ACYP2: variants seen among roughly 807,000 people sequenced by gnomAD.
ACYP2 encodes the protein acylphosphatase-2.
Under a neutral mutation model 11.2 loss-of-function variants are expected in ACYP2, and 12 were observed. The ratio of observed to expected loss-of-function variants is 1.08; its 90% CI spans 0.69 to 1.74. ACYP2 has a LOEUF of 1.74. Among genes scored for constraint, ACYP2 ranks in the 40% most tolerant of loss-of-function variants. ACYP2 has a pLI of 0.00. For synonymous variants in ACYP2, 43 were observed against 32.2 expected (o/e 1.33, Z -1.13); for missense variants, 134 against 101.9 (o/e 1.31, Z -1.35).
intron 6 of ACYP2, among the ~76,000 whole-genome samples, chr2:54,266,303 C>G (rs1482449123): frequency 6.6e-6 from 1 of 152,130 alleles, no homozygotes; most frequent in East Asian, 1.9e-4. Flanking sequence ...TGGACATGCC[C>G]ATGCCCTTTC....
At chr2:53,973,987 A>G (rs1308986102) in intron 2 of ACYP2, among the ~76,000 whole-genome samples, 7 of 148,194 alleles carry the variant, frequency 4.7e-5, no homozygotes, top group East Asian at 2.0e-4. Context: ...GCTCACTGCA[A>G]TCTCCGCCTC....
chr2:54,095,654 CG>C (rs1427012275), intron 4 of ACYP2, among the ~76,000 whole-genome samples: 15 of 137,644 alleles, frequency 1.1e-4, no homozygotes, highest in Non-Finnish European at 2.0e-4. Flanking sequence ...GCTGGCCGCG[CG>C]GGGGGCTGAC....
At chr2:54,228,199 T>A (rs73934409) in intron 6 of ACYP2, among the ~76,000 whole-genome samples, 33 of 152,316 alleles carry the variant, frequency 2.2e-4, no homozygotes, top group African/African-American at 7.7e-4. Context: ...CATTTAAGTA[T>A]GGAAGTGGAT....
chr2:54,205,820 G>A (rs988402553), intron 6 of ACYP2, among the ~76,000 whole-genome samples: 1 of 152,130 alleles, frequency 6.6e-6, no homozygotes, highest in South Asian at 2.1e-4. Flanking sequence ...AATTGGGTCA[G>A]GATATTCATC....
intron 6 of ACYP2, among the ~76,000 whole-genome samples, chr2:54,273,631 A>G (rs2104090103): frequency 6.6e-6 from 1 of 151,984 alleles, no homozygotes; most frequent in Admixed American, 6.5e-5. Flanking sequence ...CGCCCATCTA[A>G]TTTTTTATAT....
intron 4 of ACYP2, among the ~76,000 whole-genome samples, chr2:54,128,268 T>C (rs1680662857): frequency 6.6e-6 from 1 of 152,218 alleles, no homozygotes; most frequent in African/African-American, 2.4e-5. Context: ...GATGGACAGA[T>C]CCCTGATCAA....
chr2:53,981,551 C>T (rs185421166), intron 2 of ACYP2, among the ~76,000 whole-genome samples: 55 of 152,200 alleles, frequency 3.6e-4, no homozygotes, highest in Non-Finnish European at 6.6e-4. Flanking sequence ...TGACTGGTTG[C>T]GGAAAGAAAC....
intron 6 of ACYP2, among the ~76,000 whole-genome samples, chr2:54,263,815 C>A (rs559968334): frequency 6.6e-6 from 1 of 152,280 alleles, no homozygotes; most frequent in African/African-American, 2.4e-5. Context: ...ATTATTTTAA[C>A]ATACACCATA....
At chr2:54,242,033 C>G (rs1289935184) in intron 6 of ACYP2, among the ~76,000 whole-genome samples, 3 of 152,204 alleles carry the variant, frequency 2.0e-5, no homozygotes, top group African/African-American at 7.2e-5. Context: ...AAAAATTCAG[C>G]TGAAATAATA....
At chr2:54,140,331 C>T (rs746322967) in intron 6 of ACYP2, among the ~76,000 whole-genome samples, 7 of 152,112 alleles carry the variant, frequency 4.6e-5, no homozygotes, top group Non-Finnish European at 8.8e-5. Context: ...AAGATAGAAG[C>T]TCATACCAAT....
chr2:54,010,748 T>C (rs1447234662), intron 2 of ACYP2, among the ~76,000 whole-genome samples: 11 of 126,276 alleles, frequency 8.7e-5, no homozygotes, highest in Admixed American at 1.6e-4. Context: ...TTTTTTTTTT[T>C]TTTTTTTTTT....
intron 6 of ACYP2, among the ~76,000 whole-genome samples, chr2:54,198,718 T>C (rs1430535367): frequency 3.3e-5 from 5 of 152,186 alleles, no homozygotes; most frequent in East Asian, 1.9e-4. Context: ...AAAAGACTTA[T>C]AAAAAATGAA....
intron 4 of ACYP2, among the ~76,000 whole-genome samples, chr2:54,119,040 A>T (rs939191975): frequency 1.1e-4 from 14 of 131,596 alleles, no homozygotes; most frequent in Non-Finnish European, 2.1e-4. Context: ...TGGGATTTGA[A>T]TCTTAGTAGT....
intron 6 of ACYP2, among the ~76,000 whole-genome samples, chr2:54,283,979 G>T (rs758533044): frequency 1.3e-5 from 2 of 152,128 alleles, no homozygotes; most frequent in South Asian, 2.1e-4. Context: ...GCTGGGCATC[G>T]TGGCACCTGT....
intron 6 of ACYP2, among the ~76,000 whole-genome samples, chr2:54,178,723 C>T (rs777711519): frequency 1.3e-5 from 2 of 152,096 alleles, no homozygotes; most frequent in Non-Finnish European, 2.9e-5. Flanking sequence ...TAAGAGAATA[C>T]AGTTTGATCA....
intron 4 of ACYP2, chr2:54,065,366 C>T: frequency 2.5e-6 from 1 of 396,682 alleles, no homozygotes; most frequent in Admixed American, 4.4e-5. Flanking sequence ...AATTTAATGG[C>T]TGATCAAAAT....
intron 4 of ACYP2, among the ~76,000 whole-genome samples, chr2:54,118,694 A>G (rs929218877): frequency 3.3e-5 from 5 of 152,254 alleles, no homozygotes; most frequent in African/African-American, 4.8e-5. Flanking sequence ...AAAATATGGA[A>G]AAGAGAAACG....
chr2:54,093,942 AAAACAAACAAACAAAC>A lies in ACYP2; in HGVS notation c.277+36599_277+36614del, dbSNP rs145012157. On this transcript the variant is annotated intron_variant, in intron 4 of 6. Transcript: ENST00000607452. ...GTGACAGAACGAGACTCTGTCTCAAAAAACAAACAAACAAACAAACAAACAAACAAACCCACTCAGT... is the reference window on the plus strand; with the variant it reads ...GTGACAGAACGAGACTCTGTCTCAAAAAACAAACAAACAAACCCACTCAGT... Among the ~76,000 whole-genome samples the A allele has an allele frequency of 6.2e-4, 93 of 151,092 alleles. No individual in the cohort carries two copies. The East Asian group carries it at 0.017, about 28-fold the overall frequency.
chr2:54,037,561 C>T (rs1341513893), intron 2 of ACYP2, among the ~76,000 whole-genome samples: 3 of 152,034 alleles, frequency 2.0e-5, no homozygotes, highest in Admixed American at 6.6e-5. Flanking sequence ...CAGTGAACCC[C>T]TATGCCTAGT....
Sources: gnomAD v4.1 joint callset for allele counts (sites outside exome capture counted in the v4.1 genomes callset) on GRCh38, gnomAD v4.1.1 for gene constraint, MANE v1.5 for transcripts, NCBI Gene and HGNC (gene_info 2026-07-23, HGNC 2026-07-21) for gene names.